The following TRPM3 variants were observed in gnomAD, a reference collection of about 807,000 sequenced individuals.
The protein encoded by TRPM3 is transient receptor potential cation channel subfamily M member 3.
In TRPM3, 77 loss-of-function variants were observed where a neutral mutation model predicts 181.2. That is an observed-to-expected ratio of 0.42 (90% CI 0.35 to 0.51). The LOEUF (loss-of-function observed/expected upper bound fraction) is 0.51, where lower values mean the gene tolerates loss of function less well. Among genes scored for constraint, TRPM3 ranks in the 20% least tolerant of loss-of-function variants. The pLI is 0.01. For missense variants in TRPM3, 1,759 were observed against 2,196.7 expected (o/e 0.80, Z 3.98); for synonymous variants, 745 against 796.4 (o/e 0.94, Z 1.09).
At chr9:70,667,343 A>T (rs1472497690) in intron 9 of TRPM3, among the ~76,000 whole-genome samples, 1 of 152,174 alleles carries the variant, frequency 6.6e-6, no homozygotes, top group Non-Finnish European at 1.5e-5. Context: ...AAATTTACAG[A>T]AAAGGCTCCT....
intron 9 of TRPM3, among the ~76,000 whole-genome samples, chr9:70,643,673 T>C (rs1047889527): frequency 1.3e-5 from 2 of 152,200 alleles, no homozygotes; most frequent in African/African-American, 4.8e-5. Context: ...TGAATAAACC[T>C]AGTGGCTGGT....
At chr9:70,842,159 AAGTGTCTGCC>A (rs1180066943) in intron 5 of TRPM3, among the ~76,000 whole-genome samples, 1 of 152,052 alleles carries the variant, frequency 6.6e-6, no homozygotes, top group Non-Finnish European at 1.5e-5. Context: ...ACTGAGAAGA[AAGTGTCTGCC>A]ACTCAAATGC....
intron 1 of TRPM3, among the ~76,000 whole-genome samples, chr9:71,422,449 T>C (rs1212756841): frequency 6.6e-6 from 1 of 152,076 alleles, no homozygotes; most frequent in Non-Finnish European, 1.5e-5. Context: ...TATTCATTAC[T>C]GAGTTAGGCC....
chr9:70,895,324 A>G (rs779704861), intron 1 of TRPM3, among the ~76,000 whole-genome samples: 1 of 152,214 alleles, frequency 6.6e-6, no homozygotes, highest in Non-Finnish European at 1.5e-5. Flanking sequence ...GACCTCCTGG[A>G]CCATTCTGAA....
intron 18 of TRPM3, among the ~76,000 whole-genome samples, chr9:70,612,551 A>G (rs964570016): frequency 1.3e-5 from 2 of 152,206 alleles, no homozygotes; most frequent in African/African-American, 2.4e-5. Context: ...AATAATCACA[A>G]ATGATTGACC....
intron 6 of TRPM3, chr9:70,810,101 G>A: frequency 1.9e-6 from 1 of 534,032 alleles, no homozygotes; most frequent in South Asian, 1.4e-5. Context: ...ACGCGATCAG[G>A]AAGTCCTCTG....
intron 22 of TRPM3, among the ~76,000 whole-genome samples, chr9:70,588,627 T>A (rs2057570509): frequency 6.6e-6 from 1 of 152,232 alleles, no homozygotes; most frequent in East Asian, 1.9e-4. Flanking sequence ...CAGGCGGATA[T>A]GAGATCCGAT....
At chr9:70,907,249 C>T (rs1161228307) in intron 1 of TRPM3, among the ~76,000 whole-genome samples, 2 of 152,164 alleles carry the variant, frequency 1.3e-5, no homozygotes, top group Admixed American at 1.3e-4. Flanking sequence ...AGAGTCACCC[C>T]ATGTGCATGT....
intron 1 of TRPM3, among the ~76,000 whole-genome samples, chr9:71,132,736 A>C (rs1419508270): frequency 6.6e-6 from 1 of 152,216 alleles, no homozygotes; most frequent in Non-Finnish European, 1.5e-5. Flanking sequence ...ATAACTGTTG[A>C]TGTAATTTTT....
intron 1 of TRPM3, among the ~76,000 whole-genome samples, chr9:71,135,299 G>A (rs560704349): frequency 9.1e-4 from 139 of 152,278 alleles, no homozygotes; most frequent in Non-Finnish European, 1.8e-3. Context: ...TGGGGGGACA[G>A]AGAGAAGAGT....
intron 6 of TRPM3, among the ~76,000 whole-genome samples, chr9:70,784,934 A>T (rs916695102): frequency 1.3e-5 from 2 of 152,104 alleles, no homozygotes; most frequent in African/African-American, 2.4e-5. Flanking sequence ...CAATCTCAGC[A>T]CACTGCAACT....
At chr9:70,849,318 T>G (rs1313380787) in intron 3 of TRPM3, among the ~76,000 whole-genome samples, 1 of 152,176 alleles carries the variant, frequency 6.6e-6, no homozygotes, top group African/African-American at 2.4e-5. Context: ...CTAATTTTTT[T>G]GTATTTTTAT....
chr9:70,894,186 T>C (rs2096250874), intron 1 of TRPM3, among the ~76,000 whole-genome samples: 1 of 152,228 alleles, frequency 6.6e-6, no homozygotes, highest in Admixed American at 6.5e-5. Context: ...GTTTGTTTGG[T>C]GTTAGATACA....
chr9:71,319,059 CAA>C, intron 1 of TRPM3, among the ~76,000 whole-genome samples: 1 of 41,106 alleles, frequency 2.4e-5, no homozygotes. Context: ...TCCCATGTAT[CAA>C]AAGTTTTTTA....
intron 1 of TRPM3, among the ~76,000 whole-genome samples, chr9:71,402,832 C>T (rs2093366862): frequency 6.6e-6 from 1 of 152,086 alleles, no homozygotes. Flanking sequence ...CTAATCTTAT[C>T]AGTGTAGGTC....
intron 6 of TRPM3, among the ~76,000 whole-genome samples, chr9:70,806,658 C>G (rs1288147612): frequency 6.6e-6 from 1 of 150,754 alleles, no homozygotes; most frequent in Non-Finnish European, 1.5e-5. Context: ...CCACTGCACT[C>G]CAGCCTGGGT....
intron 22 of TRPM3, among the ~76,000 whole-genome samples, chr9:70,558,747 G>A (rs1033739791): frequency 3.3e-5 from 5 of 152,148 alleles, no homozygotes; most frequent in Admixed American, 6.5e-5. Flanking sequence ...AGATTAAGTC[G>A]TAGGGCCTCA....
intron 1 of TRPM3, among the ~76,000 whole-genome samples, chr9:71,400,270 G>T (rs528580562): frequency 3.2e-4 from 48 of 152,260 alleles, no homozygotes; most frequent in African/African-American, 1.2e-3. Context: ...AGGTTGGGAA[G>T]ATTTTCTGAT....
chr9:70,843,171 T>C, intron 4 of TRPM3, 44 bp from the exon 5 acceptor site: 1 of 1,577,156 alleles, frequency 6.3e-7, no homozygotes, highest in Non-Finnish European at 8.6e-7. Context: ...TTAAAGCAAA[T>C]ACCTTTTCAT....
Sources: gnomAD v4.1 joint callset for allele counts (sites outside exome capture counted in the v4.1 genomes callset) on GRCh38, gnomAD v4.1.1 for gene constraint, MANE v1.5 for transcripts, NCBI Gene and HGNC (gene_info 2026-07-23, HGNC 2026-07-21) for gene names.